Variants in MTX2 observed in about 807,000 individuals in gnomAD.
MTX2 encodes the protein metaxin-2.
A neutral mutation model predicts 42.3 loss-of-function variants in MTX2; 35 were observed. That is an observed-to-expected ratio of 0.83 (90% CI 0.63 to 1.10). MTX2 has a LOEUF of 1.10. Among genes scored for constraint, MTX2 ranks in the 50% least tolerant of loss-of-function variants. The pLI is 0.00. For synonymous variants in MTX2, 119 were observed against 100.9 expected (o/e 1.18, Z -1.08); for missense variants, 307 against 304.1 (o/e 1.01, Z -0.07).
At chr2:176,273,755 T>G (rs1171450452) in intron 1 of MTX2, among the ~76,000 whole-genome samples, 1 of 152,238 alleles carries the variant, frequency 6.6e-6, no homozygotes, top group Non-Finnish European at 1.5e-5. Flanking sequence ...TTTCTACTGC[T>G]GTTACCTTAG....
intron 3 of MTX2, among the ~76,000 whole-genome samples, chr2:176,321,970 G>A (rs1375781533): frequency 6.6e-6 from 1 of 151,780 alleles, no homozygotes; most frequent in East Asian, 1.9e-4. Flanking sequence ...GAGATTGGGG[G>A]AAGGAGAACA....
chr2:176,272,945 CAG>C (rs967994730), intron 1 of MTX2, among the ~76,000 whole-genome samples: 1 of 152,100 alleles, frequency 6.6e-6, no homozygotes, highest in African/African-American at 2.4e-5. Context: ...GTTGCTATAA[CAG>C]AATACCACAG....
intron 1 of MTX2, among the ~76,000 whole-genome samples, chr2:176,278,863 A>AT (rs925131606): frequency 2.9e-4 from 44 of 152,260 alleles, no homozygotes; most frequent in Middle Eastern, 3.4e-3. Flanking sequence ...GCATGCTTTA[A>AT]TTTTTTATTG....
intron 1 of MTX2, among the ~76,000 whole-genome samples, chr2:176,277,919 C>T (rs1009499050): frequency 6.6e-6 from 1 of 151,054 alleles, no homozygotes; most frequent in Non-Finnish European, 1.5e-5. Flanking sequence ...TTGAATGGTG[C>T]AGATGGTAAA....
intron 3 of MTX2, among the ~76,000 whole-genome samples, chr2:176,313,821 A>G (rs953851075): frequency 3.3e-5 from 5 of 152,144 alleles, no homozygotes; most frequent in Non-Finnish European, 5.9e-5. Context: ...GTTAGGATCC[A>G]TTAGGTTCTG....
Position 176,337,473 on chromosome 2 carries a change from A to C in MTX2, c.621-20A>C. On this transcript the variant is annotated intron_variant, in intron 9 of 9. Transcript: ENST00000249442. ...AAGTTAAATGCTACTTACTCACATT[A>C]CTCTCATTTCTACTTTTAGGCCTAC... 1.3e-6 allele frequency: 2 copies of C among 1,553,794 alleles called. No individual in the cohort carries two copies. Among genetic ancestry groups the C allele is most frequent in the Non-Finnish European group, 8.7e-7 (1 of 1,144,352 alleles).
intron 1 of MTX2, among the ~76,000 whole-genome samples, chr2:176,292,085 T>C (rs1459176661): frequency 2.0e-5 from 3 of 152,206 alleles, no homozygotes; most frequent in African/African-American, 4.8e-5. Flanking sequence ...ACTTGCACTT[T>C]GACAGCATTG....
chr2:176,330,122 T>G (rs1684825155), intron 8 of MTX2, among the ~76,000 whole-genome samples: 1 of 150,968 alleles, frequency 6.6e-6, no homozygotes, highest in Non-Finnish European at 1.5e-5. Context: ...CTATCTCCAC[T>G]AGTGGGAAAA....
rs1367494434 is a variant in MTX2 at position 176,336,547 on chromosome 2, T to G, written c.621-946T>G. Among the ~76,000 whole-genome samples, 3 of 152,318 alleles carry G rather than the reference T, an allele frequency of 2.0e-5. No homozygotes were observed. The South Asian group carries it at 6.2e-4, about 32-fold the overall frequency. Reference sequence around the variant, plus strand: ...TTTATTAAAACAACTTTATAATTTATGTTTCATGTACATGTCTTAGAGTAT... The same window carrying G: ...TTTATTAAAACAACTTTATAATTTAGGTTTCATGTACATGTCTTAGAGTAT... On this transcript the variant is annotated intron_variant, in intron 9 of 9. Transcript: ENST00000249442.
At chr2:176,296,175 GTTTCA>G (rs1293149577) in intron 1 of MTX2, among the ~76,000 whole-genome samples, 1 of 152,114 alleles carries the variant, frequency 6.6e-6, no homozygotes, top group Non-Finnish European at 1.5e-5. Context: ...GTCAAGTCAA[GTTTCA>G]TTTCAGGCCT....
chr2:176,333,166 A>G (rs1371588186), intron 9 of MTX2, among the ~76,000 whole-genome samples: 1 of 151,550 alleles, frequency 6.6e-6, no homozygotes, highest in Non-Finnish European at 1.5e-5. Flanking sequence ...GTCTATAAAG[A>G]TAAATGCAAT....
intron 1 of MTX2, among the ~76,000 whole-genome samples, chr2:176,283,781 A>G (rs1236147136): frequency 3.9e-5 from 6 of 152,212 alleles, no homozygotes; most frequent in Non-Finnish European, 1.5e-5. Context: ...GAGAACCATT[A>G]AACTATTGCA....
rs1305995755 is a variant in MTX2 at position 176,298,489 on chromosome 2, A to G, written c.135+594A>G. Among the ~76,000 whole-genome samples, 5 of 152,122 alleles carry G rather than the reference A, an allele frequency of 3.3e-5. No homozygotes were observed. The South Asian group carries it at 8.3e-4, about 25-fold the overall frequency. ...ATCCAAAAAAAATTAGTGCCCCTGT[A>G]AACTTTAAGCTGCATTATAGGAAGA... On this transcript the variant is annotated intron_variant, in intron 3 of 9. Coordinates refer to ENST00000249442, the MANE Select transcript of MTX2 (RefSeq NM_006554.5).
At chr2:176,275,748 C>T (rs564843604) in intron 1 of MTX2, among the ~76,000 whole-genome samples, 21 of 152,050 alleles carry the variant, frequency 1.4e-4, no homozygotes, top group Admixed American at 8.5e-4. Flanking sequence ...GGCTACATGA[C>T]GGCATTTGGA....
intron 1 of MTX2, among the ~76,000 whole-genome samples, chr2:176,289,353 C>T (rs567379232): frequency 9.2e-5 from 14 of 151,936 alleles, no homozygotes; most frequent in Admixed American, 3.9e-4. Flanking sequence ...GAGAAATATT[C>T]ATTTGCATAA....
chr2:176,311,571 C>G (rs1378671693), intron 3 of MTX2, among the ~76,000 whole-genome samples: 1 of 152,216 alleles, frequency 6.6e-6, no homozygotes, highest in Non-Finnish European at 1.5e-5. Context: ...GTTTGAGCCT[C>G]CAGGTGGCTT....
intron 3 of MTX2, among the ~76,000 whole-genome samples, chr2:176,311,400 C>G (rs376862104): frequency 6.6e-6 from 1 of 152,206 alleles, no homozygotes; most frequent in Admixed American, 6.5e-5. Flanking sequence ...TCTCAGAGCT[C>G]AAACGCTGTG....
rs185141477 is a variant in MTX2, at chr2:176,296,240, A to G, written c.41-620A>G. On this transcript the variant is annotated intron_variant, in intron 1 of 9. Coordinates refer to ENST00000249442, the MANE Select transcript of MTX2 (RefSeq NM_006554.5). ...TCACATTGTAGGTATGTAATGCTTC[A>G]TCATGCAACTTTGCTCTAATTGTGT... 2.6e-5 allele frequency among the ~76,000 whole-genome samples: 4 copies of G among 152,280 alleles called. No individual in the cohort carries two copies. The East Asian group carries it at 7.7e-4, about 29-fold the overall frequency.
At chr2:176,311,041 A>G (rs868649308) in intron 3 of MTX2, among the ~76,000 whole-genome samples, 5 of 151,918 alleles carry the variant, frequency 3.3e-5, no homozygotes, top group South Asian at 2.1e-4. Context: ...GGTTTTGTCT[A>G]CCTTTGGTCT....
Sources: allele counts gnomAD v4.1 joint callset (sites outside exome capture counted in the v4.1 genomes callset), GRCh38; gene constraint gnomAD v4.1.1; transcripts MANE v1.5; gene names NCBI Gene and HGNC (gene_info 2026-07-23, HGNC 2026-07-21).